Variants in PEX5L observed in about 807,000 individuals in gnomAD.
The protein encoded by PEX5L is PEX5-related protein.
Under a neutral mutation model 84.0 loss-of-function variants are expected in PEX5L, and 30 were observed. The ratio of observed to expected loss-of-function variants is 0.36; its 90% CI spans 0.27 to 0.48. The LOEUF is 0.48. Among genes scored for constraint, PEX5L ranks in the 20% least tolerant of loss-of-function variants. The probability of loss-of-function intolerance (pLI) is 0.99; values close to 1 mark genes in which losing one functional copy is unlikely to be tolerated. For synonymous variants in PEX5L, 270 were observed against 283.1 expected (o/e 0.95, Z 0.46); for missense variants, 533 against 754.6 (o/e 0.71, Z 3.44).
chr3:179,946,318 C>T (rs1777535299), intron 2 of PEX5L, among the ~76,000 whole-genome samples: 1 of 152,138 alleles, frequency 6.6e-6, no homozygotes. Context: ...TCTCACTTGC[C>T]TTCCAAGATT....
chr3:179,865,686 G>C (rs1747867498), intron 7 of PEX5L, among the ~76,000 whole-genome samples: 1 of 152,070 alleles, frequency 6.6e-6, no homozygotes, highest in Non-Finnish European at 1.5e-5. Flanking sequence ...ACAGCACAGT[G>C]ACTTCTAAAC....
At chr3:180,026,131 T>C (rs1790927839) in intron 1 of PEX5L, among the ~76,000 whole-genome samples, 1 of 122,762 alleles carries the variant, frequency 8.1e-6, no homozygotes, top group East Asian at 2.7e-4. Context: ...CCTTTCAGCA[T>C]TCTTTTTTTT....
At position 179,800,831 on chromosome 3, in the gene PEX5L, G is replaced by A. The variant is rs1718644895; in HGVS notation, c.*997C>T. Reference sequence around the variant, plus strand: ...TTTAAAAGGAATATTGGTGTGCAGGGCAAAGCCAGTAAAGTATGACACTTA... The same window carrying A: ...TTTAAAAGGAATATTGGTGTGCAGGACAAAGCCAGTAAAGTATGACACTTA... On this transcript the variant is annotated 3_prime_UTR_variant, in exon 15 of 15. Transcript: ENST00000467460. 1 of 152,144 alleles carries A rather than the reference G, an allele frequency of 6.6e-6. No individual in the cohort carries two copies. Among genetic ancestry groups the A allele is most frequent in the South Asian group, 2.1e-4 (1 of 4,822 alleles). 9.4% of individuals were successfully genotyped at this position (152,144 alleles called of 1,614,324 possible).
At position 180,036,674 on chromosome 3, in the gene PEX5L, G is replaced by A; in HGVS notation, c.-75C>T. The A allele has an allele frequency of 6.5e-7, 1 of 1,544,248 alleles. No individual in the cohort carries two copies. Among genetic ancestry groups the A allele is most frequent in the African/African-American group, 1.4e-5 (1 of 73,620 alleles). On this transcript the variant is annotated 5_prime_UTR_variant, in exon 1 of 15. Coordinates refer to ENST00000467460, the MANE Select transcript of PEX5L (RefSeq NM_016559.3). ...CCGTGCTTACTTGCCCACCAAAAGA[G>A]GGGAAAAGGTGGGTGCACAGCGGGT... is the stretch of plus-strand genomic sequence containing the variant.
intron 1 of PEX5L, among the ~76,000 whole-genome samples, chr3:180,027,570 C>T (rs540648258): frequency 1.3e-5 from 2 of 152,198 alleles, no homozygotes; most frequent in Admixed American, 6.5e-5. Context: ...TCACTTCATA[C>T]AGTACGTGTA....
At chr3:179,962,962 T>C (rs1782439187) in intron 2 of PEX5L, among the ~76,000 whole-genome samples, 1 of 152,204 alleles carries the variant, frequency 6.6e-6, no homozygotes, top group Non-Finnish European at 1.5e-5. Context: ...TTAACAGCAA[T>C]ACATTTTTCC....
At chr3:179,805,146 CT>C (rs777171015) in intron 14 of PEX5L, among the ~76,000 whole-genome samples, 13,737 of 86,370 alleles carry the variant, frequency 0.16, 637 homozygotes, top group Non-Finnish European at 0.18. Flanking sequence ...ACTCGATGGT[CT>C]TTTTTTTTTT....
chr3:179,970,621 T>TCC (rs767989518), intron 2 of PEX5L, among the ~76,000 whole-genome samples: 2 of 152,172 alleles, frequency 1.3e-5, no homozygotes, highest in Non-Finnish European at 2.9e-5. Context: ...CAAGCAAGTC[T>TCC]CTAAGTCAGT....
intron 10 of PEX5L, 132 bp downstream of exon 10, chr3:179,815,729 G>A (rs1055668234): frequency 1.6e-5 from 15 of 937,468 alleles, no homozygotes; most frequent in Non-Finnish European, 2.3e-5. Context: ...TTTTAAACAA[G>A]TAGACTAAGC....
At chr3:179,840,223 T>C (rs1736671196) in intron 8 of PEX5L, among the ~76,000 whole-genome samples, 1 of 139,796 alleles carries the variant, frequency 7.2e-6, no homozygotes, top group East Asian at 2.4e-4. Context: ...AGTTACTCTC[T>C]TGTCTCCCAG....
chr3:179,984,734 A>G (rs1786650016), intron 1 of PEX5L, among the ~76,000 whole-genome samples: 1 of 152,210 alleles, frequency 6.6e-6, no homozygotes, highest in African/African-American at 2.4e-5. Context: ...ACTATGCCAA[A>G]AATTATCTCA....
rs115584347 is a variant in PEX5L, at chr3:180,028,934, G to C, written c.21+7645C>G. Among the ~76,000 whole-genome samples the C allele has an allele frequency of 4.3e-3, 652 of 152,236 alleles. 11 individuals carry two copies. The highest frequency in any genetic ancestry group is 0.015 in the African/African-American group (616 of 41,544). On this transcript the variant is annotated intron_variant, in intron 1 of 14. Transcript: ENST00000467460. Reference sequence around the variant, plus strand: ...AATAGAAACATCAGAACACTTTATAGAACAATTTAATATAAAGAAGCTAAT... The same window carrying C: ...AATAGAAACATCAGAACACTTTATACAACAATTTAATATAAAGAAGCTAAT...
intron 1 of PEX5L, among the ~76,000 whole-genome samples, chr3:179,980,565 T>G (rs1786229438): frequency 2.0e-5 from 3 of 152,122 alleles, no homozygotes; most frequent in Non-Finnish European, 4.4e-5. Flanking sequence ...TATAACAACA[T>G]TATAGATAAG....
Position 179,831,988 on chromosome 3 carries a change from G to A in PEX5L, c.823-12012C>T, listed in dbSNP as rs918073183. Among the ~76,000 whole-genome samples, 8 of 152,084 alleles carry A rather than the reference G, an allele frequency of 5.3e-5. No individual in the cohort carries two copies. The South Asian group carries it at 6.2e-4, about 12-fold the overall frequency. ...CAAGTGTAAAGCCATTGTTTAGATCGGTGTTTTAGAAAGATTACTCTGGTT... is the reference window on the plus strand; with the variant it reads ...CAAGTGTAAAGCCATTGTTTAGATCAGTGTTTTAGAAAGATTACTCTGGTT... On this transcript the variant is annotated intron_variant, in intron 8 of 14. Coordinates refer to ENST00000467460, the MANE Select transcript of PEX5L (RefSeq NM_016559.3).
At chr3:179,930,417 T>A (rs1560766854) in intron 2 of PEX5L, among the ~76,000 whole-genome samples, 1 of 152,222 alleles carries the variant, frequency 6.6e-6, no homozygotes, top group Non-Finnish European at 1.5e-5. Context: ...TCACCCAGTC[T>A]GGCTTCTGCA....
intron 2 of PEX5L, among the ~76,000 whole-genome samples, chr3:179,900,961 G>C (rs1761117828): frequency 1.3e-5 from 2 of 152,182 alleles, no homozygotes; most frequent in South Asian, 4.1e-4. Flanking sequence ...ATCAATGCAA[G>C]ATTTCCCCCA....
At chr3:180,002,653 T>C (rs1168853962) in intron 1 of PEX5L, among the ~76,000 whole-genome samples, 2 of 152,112 alleles carry the variant, frequency 1.3e-5, no homozygotes, top group Non-Finnish European at 2.9e-5. Flanking sequence ...TCCAAACCTG[T>C]ATTTTTCTAT....
At chr3:179,918,191 G>A (rs978546644) in intron 2 of PEX5L, among the ~76,000 whole-genome samples, 3 of 152,122 alleles carry the variant, frequency 2.0e-5, no homozygotes, top group Non-Finnish European at 4.4e-5. Context: ...CCAAGTTTGT[G>A]CATTCTTGGG....
intron 8 of PEX5L, among the ~76,000 whole-genome samples, chr3:179,847,827 G>A (rs1272464118): frequency 1.3e-5 from 2 of 151,552 alleles, no homozygotes; most frequent in East Asian, 3.9e-4. Context: ...TCAACCTCCC[G>A]AGTAGCTGGG....
Sources: allele counts gnomAD v4.1 joint callset (sites outside exome capture counted in the v4.1 genomes callset), GRCh38; gene constraint gnomAD v4.1.1; transcripts MANE v1.5; gene names NCBI Gene and HGNC (gene_info 2026-07-23, HGNC 2026-07-21).